Variants in RORA observed in about 807,000 individuals in gnomAD.
RORA encodes the protein RAR related orphan receptor A, also known as nuclear receptor ROR-alpha.
In RORA, 7 loss-of-function variants were observed where a neutral mutation model predicts 69.5. That is an observed-to-expected ratio of 0.10 (90% CI 0.06 to 0.19). RORA has a LOEUF of 0.19. Among genes scored for constraint, RORA ranks in the 10% least tolerant of loss-of-function variants. The pLI is 1.00. For missense variants in RORA, 457 were observed against 663.0 expected (o/e 0.69, Z 3.41); for synonymous variants, 261 against 240.8 (o/e 1.08, Z -0.78).
At chr15:61,216,060 A>C (rs2080037975) in intron 1 of RORA, among the ~76,000 whole-genome samples, 1 of 152,228 alleles carries the variant, frequency 6.6e-6, no homozygotes, top group Admixed American at 6.5e-5. Flanking sequence ...CCATCTCAGA[A>C]AGACAGGATT....
chr15:61,052,979 A>C (rs2078034895), intron 1 of RORA, among the ~76,000 whole-genome samples: 2 of 152,228 alleles, frequency 1.3e-5, no homozygotes. Context: ...AGCACAGTAT[A>C]AGTAAAGTAT....
At chr15:60,795,900 C>T (rs1202053092) in intron 1 of RORA, among the ~76,000 whole-genome samples, 2 of 152,206 alleles carry the variant, frequency 1.3e-5, no homozygotes, top group African/African-American at 2.4e-5. Flanking sequence ...AGGCCTCATG[C>T]CTCGGTTTCT....
At position 60,600,115 on chromosome 15, in the gene RORA, C is replaced by T. The variant is rs1452238122; in HGVS notation, c.197-68264G>A. 3.3e-5 allele frequency among the ~76,000 whole-genome samples: 5 copies of T among 152,020 alleles called. No homozygotes were observed. The East Asian group carries it at 9.6e-4, about 29-fold the overall frequency. ...TTAATATAGATGCTTCATATATAGG[C>T]CATATTTTATTTTTTAAAGAACTAT... On this transcript the variant is annotated intron_variant, in intron 2 of 10. Coordinates refer to ENST00000335670, the MANE Select transcript of RORA (RefSeq NM_134261.3).
intron 1 of RORA, among the ~76,000 whole-genome samples, chr15:60,965,122 T>A (rs533992523): frequency 6.6e-6 from 1 of 152,170 alleles, no homozygotes. Context: ...TATCCCTCAA[T>A]GAAGATACCT....
chr15:60,906,919 A>T (rs1168681539), intron 1 of RORA, among the ~76,000 whole-genome samples: 1 of 152,202 alleles, frequency 6.6e-6, no homozygotes, highest in East Asian at 1.9e-4. Flanking sequence ...ATTAATCCTC[A>T]TAACAACTTT....
intron 1 of RORA, among the ~76,000 whole-genome samples, chr15:61,125,665 T>C (rs2079136753): frequency 6.6e-6 from 1 of 152,240 alleles, no homozygotes; most frequent in African/African-American, 2.4e-5. Flanking sequence ...AAATTGACAA[T>C]GCTTCTGATT....
At position 60,625,343 on chromosome 15, in the gene RORA, C is replaced by T. The variant is rs546710391; in HGVS notation, c.196+53314G>A. Among the ~76,000 whole-genome samples the T allele has an allele frequency of 2.0e-5, 3 of 152,264 alleles. No individual in the cohort carries two copies. The East Asian group carries it at 5.8e-4, about 29-fold the overall frequency. The stretch of plus-strand genomic sequence containing the variant: ...GTGAGGTTGTAGGGCAACAGGCACT[C>T]ACATACATTATTGGTGGCCACATAA... On this transcript the variant is annotated intron_variant, in intron 2 of 10. Transcript: ENST00000335670.
In RORA at chr15:60,911,769, G is replaced by A. The variant is rs141093950; in HGVS notation, c.167-233083C>T. ...GGCTGGAGTGCAATGGTGCAATTTC[G>A]GTTCACTGCAATTGCCAACTTCTGT... is the stretch of plus-strand genomic sequence containing the variant. On this transcript the variant is annotated intron_variant, in intron 1 of 10. Transcript: ENST00000335670. Among the ~76,000 whole-genome samples the A allele has an allele frequency of 4.3e-3, 635 of 147,300 alleles. 5 individuals are homozygous for A. Among genetic ancestry groups the A allele is most frequent in the Non-Finnish European group, 3.6e-3 (240 of 67,396 alleles).
At chr15:61,113,480 T>C (rs554141968) in intron 1 of RORA, among the ~76,000 whole-genome samples, 2 of 152,276 alleles carry the variant, frequency 1.3e-5, no homozygotes, top group South Asian at 4.1e-4. Context: ...GACAATATGG[T>C]GGGAAATGAC....
At chr15:60,820,242 C>G (rs184911988) in intron 1 of RORA, among the ~76,000 whole-genome samples, 25 of 152,258 alleles carry the variant, frequency 1.6e-4, no homozygotes, top group Non-Finnish European at 2.9e-4. Context: ...GGTTCTAGCA[C>G]GTGTTTTGAA....
Position 61,012,777 on chromosome 15 carries a change from G to A in RORA, c.166+216276C>T, listed in dbSNP as rs139554899. On this transcript the variant is annotated intron_variant, in intron 1 of 10. Transcript: ENST00000335670. Reference sequence around the variant, plus strand: ...CAATCCTTCCACCTCAGCCTCCTGAGTATCTGGGATTACAGGCACACACCA... The same window carrying A: ...CAATCCTTCCACCTCAGCCTCCTGAATATCTGGGATTACAGGCACACACCA... Among the ~76,000 whole-genome samples the A allele has an allele frequency of 3.6e-3, 545 of 152,142 alleles. 1 individual carries two copies. The highest frequency in any genetic ancestry group is 0.013 in the African/African-American group (533 of 41,488).
chr15:60,717,791 T>C (rs1266378774), intron 1 of RORA, among the ~76,000 whole-genome samples: 2 of 127,560 alleles, frequency 1.6e-5, no homozygotes, highest in East Asian at 5.8e-4. Flanking sequence ...CTTTTTTCTT[T>C]TTCTCTTTTT....
chr15:60,703,126 AACAC>A (rs33962963), intron 1 of RORA, among the ~76,000 whole-genome samples: 3,757 of 144,960 alleles, frequency 0.026, 56 homozygotes, highest in Admixed American at 0.045. Flanking sequence ...GCTTCAGATT[AACAC>A]ACACACACAC....
At chr15:60,725,211 C>T (rs1445791436) in intron 1 of RORA, among the ~76,000 whole-genome samples, 1 of 152,080 alleles carries the variant, frequency 6.6e-6, no homozygotes, top group Non-Finnish European at 1.5e-5. Flanking sequence ...TTCTTTTCCC[C>T]CGATTCAGCT....
chr15:60,763,474 G>A (rs574977227), intron 1 of RORA, among the ~76,000 whole-genome samples: 1 of 152,230 alleles, frequency 6.6e-6, no homozygotes, highest in African/African-American at 2.4e-5. Context: ...AAGTTTAGGA[G>A]GTTACACAGC....
At chr15:61,222,576 T>C (rs966673260) in intron 1 of RORA, among the ~76,000 whole-genome samples, 2 of 152,166 alleles carry the variant, frequency 1.3e-5, no homozygotes, top group Non-Finnish European at 2.9e-5. Flanking sequence ...AGAGAAATAA[T>C]AATAACTGGG....
chr15:60,944,506 C>T (rs2140326485), intron 1 of RORA, among the ~76,000 whole-genome samples: 1 of 152,176 alleles, frequency 6.6e-6, no homozygotes, highest in East Asian at 1.9e-4. Context: ...CACCTGAGCT[C>T]AGGAGTTCAA....
intron 2 of RORA, among the ~76,000 whole-genome samples, chr15:60,668,085 C>T (rs907307077): frequency 4.6e-5 from 7 of 152,110 alleles, no homozygotes; most frequent in African/African-American, 1.7e-4. Flanking sequence ...GAGTTTGTGA[C>T]AGCATGACAG....
Position 60,949,908 on chromosome 15 carries a change from C to T in RORA, c.167-271222G>A, listed in dbSNP as rs143418093. 3.7e-3 allele frequency among the ~76,000 whole-genome samples: 559 copies of T among 152,240 alleles called. 7 individuals carry two copies. Among genetic ancestry groups the T allele is most frequent in the African/African-American group, 0.013 (523 of 41,526 alleles). ...GAAACTTTCACAGTCATTTCCAGCT[C>T]GGTAGGCTAGAAACTGAATCTTAAA... On this transcript the variant is annotated intron_variant, in intron 1 of 10. Transcript: ENST00000335670.
Sources: allele counts gnomAD v4.1 joint callset (sites outside exome capture counted in the v4.1 genomes callset), GRCh38; gene constraint gnomAD v4.1.1; transcripts MANE v1.5; gene names NCBI Gene and HGNC (gene_info 2026-07-23, HGNC 2026-07-21).